Variants in LRRC53 observed in about 807,000 individuals in gnomAD.
LRRC53 encodes leucine-rich repeat-containing protein 53.
A neutral mutation model predicts 13.6 loss-of-function variants in LRRC53; 25 were observed. That is an observed-to-expected ratio of 1.83 (90% CI 1.34 to 2.56). The LOEUF is 2.56. LRRC53 is among the 30% of genes most tolerant of loss of function. The probability of loss-of-function intolerance (pLI) is 0.00; values close to 1 mark genes in which losing one functional copy is unlikely to be tolerated. For missense variants in LRRC53, 527 were observed against 275.8 expected (o/e 1.91, Z -6.45); for synonymous variants, 204 against 109.8 (o/e 1.86, Z -5.37).
intron 1 of LRRC53, among the ~76,000 whole-genome samples, chr1:74,483,661 G>T (rs1168384514): frequency 6.6e-6 from 1 of 152,176 alleles, no homozygotes; most frequent in East Asian, 1.9e-4. Flanking sequence ...AGTTTGTAGT[G>T]CTTTCACCAA....
At chr1:74,515,833 A>G (rs1364607035), upstream of LRRC53, among the ~76,000 whole-genome samples, 1 of 152,158 alleles carries the variant, frequency 6.6e-6, no homozygotes, top group East Asian at 1.9e-4. Flanking sequence ...TAAATTGGCT[A>G]TTTCTTTAGA....
rs1180206622 is a variant in LRRC53, at chr1:74,471,865, A to G, written c.1757T>C (p.Met586Thr). 4.4e-6 allele frequency: 2 copies of G among 452,758 alleles called. No homozygotes were observed. The highest frequency in any genetic ancestry group is 7.8e-6 in the Non-Finnish European group (2 of 256,618). 28.0% of individuals were successfully genotyped at this position (452,758 alleles called of 1,614,324 possible). A position where few individuals can be genotyped will look rare whatever the true frequency, so the allele number is the denominator to read the frequency against. Reference sequence around the variant, plus strand: ...TCTACGATTTGGCTTCTTTTCTTTCATGTAATCTTCAAATTGCTCACAGGG... The same window carrying G: ...TCTACGATTTGGCTTCTTTTCTTTCGTGTAATCTTCAAATTGCTCACAGGG... ...YVPCEQFEDYMKEKKPNRRQH... is the reference protein window; with the variant it reads ...YVPCEQFEDYTKEKKPNRRQH... The change falls in exon 5 of 5, where the codon ATG becomes ACG. Residue 586 changes from methionine (M) to threonine (T), a missense_variant. Physicochemically the swap from Met to Thr is moderately conservative, Grantham distance 81 (BLOSUM62 -1). Coordinates refer to ENST00000294635, the MANE Select transcript of LRRC53 (RefSeq NM_001382280.1).
chr1:74,535,118 A>G, the LRRC53 span, among the ~76,000 whole-genome samples: 3 of 152,180 alleles, frequency 2.0e-5, no homozygotes, highest in Admixed American at 2.0e-4. Flanking sequence ...AGGACTGTGT[A>G]ATTTCACTCT....
chr1:74,470,627 A>C lies in LRRC53; in HGVS notation c.2995T>G (p.Ser999Ala), dbSNP rs900092018. ...GAGGAATCATAAGTTTCTGTTTTTG[A>C]AAGTTTTTTTTCTACATCATTTTCT... ...KEENDVEKKL[S>A]KTETYDSSLI... The change falls in exon 5 of 5, where the codon TCA becomes GCA. Residue 999 changes from serine (S) to alanine (A), a missense_variant. Coordinates refer to ENST00000294635, the MANE Select transcript of LRRC53 (RefSeq NM_001382280.1). 7 of 400,534 alleles carry C rather than the reference A, an allele frequency of 1.7e-5. No homozygotes were observed. Among genetic ancestry groups the C allele is most frequent in the Admixed American group, 4.4e-5 (1 of 22,712 alleles). The allele number at this position is 400,534 out of a possible 1,614,324, so 24.8% of individuals were successfully genotyped here. A position where few individuals can be genotyped will look rare whatever the true frequency, so the allele number is the denominator to read the frequency against.
chr1:74,493,656 G>T (rs944255571), intron 1 of LRRC53, among the ~76,000 whole-genome samples: 1 of 152,136 alleles, frequency 6.6e-6, no homozygotes, highest in African/African-American at 2.4e-5. Flanking sequence ...TTTTGGATGA[G>T]CTTGACTCTG....
chr1:74,519,974 TG>T, the LRRC53 span, among the ~76,000 whole-genome samples: 1 of 152,190 alleles, frequency 6.6e-6, no homozygotes, highest in East Asian at 1.9e-4. Context: ...ATTTTCTCTG[TG>T]GGATCTTGCC....
At chr1:74,501,643 C>T (rs570159840) in intron 1 of LRRC53, among the ~76,000 whole-genome samples, 150 of 152,134 alleles carry the variant, frequency 9.9e-4, no homozygotes, top group African/African-American at 3.3e-3. Context: ...CGCACTACCA[C>T]GCCCGGGTAA....
At chr1:74,474,507 T>TA (rs1460946623) in intron 4 of LRRC53, among the ~76,000 whole-genome samples, 3 of 152,302 alleles carry the variant, frequency 2.0e-5, no homozygotes, top group Admixed American at 6.5e-5. Flanking sequence ...AATTTCTTGA[T>TA]ACAGCACCTC....
chr1:74,480,689 C>G lies in LRRC53; in HGVS notation c.368G>C (p.Arg123Pro), dbSNP rs41289204. Residue 123 changes from arginine (R) to proline (P), a missense_variant, in exon 3 of 5, where the codon CGA (arginine) becomes CCA (proline). Transcript: ENST00000294635. ...GCTTGTGTTTCGGAACCAAGACCCT[C>G]GTAGGGTGCGGAGAGCATTATTGCT... ...VLSNNALRTL[R>P]GSWFRNTSGL... The G allele has an allele frequency of 9.8e-6, 7 of 717,196 alleles. No homozygotes were observed. Among genetic ancestry groups the G allele is most frequent in the Admixed American group, 2.0e-5 (1 of 49,996 alleles). 44.4% of individuals were successfully genotyped at this position (717,196 alleles called of 1,614,324 possible).
At chr1:74,492,900 T>C (rs1669150954) in intron 1 of LRRC53, among the ~76,000 whole-genome samples, 1 of 152,194 alleles carries the variant, frequency 6.6e-6, no homozygotes, top group Non-Finnish European at 1.5e-5. Flanking sequence ...TTCAGCATGG[T>C]TGAGGTTCTG....
At chr1:74,495,583 A>G (rs771984581) in intron 1 of LRRC53, among the ~76,000 whole-genome samples, 2 of 152,170 alleles carry the variant, frequency 1.3e-5, no homozygotes, top group Non-Finnish European at 1.5e-5. Flanking sequence ...ACTATTTTAA[A>G]CACTTTAAAT....
upstream of LRRC53, among the ~76,000 whole-genome samples, chr1:74,514,232 A>G (rs1481455101): frequency 6.6e-6 from 1 of 152,246 alleles, no homozygotes; most frequent in Non-Finnish European, 1.5e-5. Flanking sequence ...TCTAATAAAT[A>G]CATTCTGACC....
chr1:74,518,591 T>C, the LRRC53 span, among the ~76,000 whole-genome samples: 9 of 152,254 alleles, frequency 5.9e-5, no homozygotes, highest in East Asian at 1.4e-3. Flanking sequence ...AGCTTATGGT[T>C]CCCGTGTTTC....
Position 74,472,167 on chromosome 1 carries a change from T to G in LRRC53, c.1455A>C (p.Ala485=), listed in dbSNP as rs1667968627. The G allele has an allele frequency of 2.8e-6, 2 of 717,052 alleles. No individual in the cohort carries two copies. The highest frequency in any genetic ancestry group is 5.4e-5 in the East Asian group (2 of 37,282). The allele number at this position is 717,052 out of a possible 1,614,324, so 44.4% of individuals were successfully genotyped here. A position where few individuals can be genotyped will look rare whatever the true frequency, so the allele number is the denominator to read the frequency against. ...ISSDIFRRRY[A]TPASALAGES... is the part of the protein sequence containing the mutation. The stretch of plus-strand genomic sequence containing the variant: ...CTCCTGCCAAGGCTGAAGCGGGTGT[T>G]GCATATCTTCTTCTAAATATGTCAC... The change falls in exon 5 of 5, where the codon GCA becomes GCC. Residue 485 remains alanine (A), a synonymous_variant. Coordinates refer to ENST00000294635, the MANE Select transcript of LRRC53 (RefSeq NM_001382280.1).
chr1:74,526,428 G>A, the LRRC53 span, among the ~76,000 whole-genome samples: 1 of 152,090 alleles, frequency 6.6e-6, no homozygotes, highest in Non-Finnish European at 1.5e-5. Flanking sequence ...TTAAAAGCTT[G>A]GGCTCAGATG....
chr1:74,475,839 A>G lies in LRRC53; in HGVS notation c.905-29T>C, dbSNP rs1668178605. On this transcript the variant is annotated intron_variant, in intron 3 of 4. Coordinates refer to ENST00000294635, the MANE Select transcript of LRRC53 (RefSeq NM_001382280.1). ...TGACAAATAGAGAGACCATTAAAAG[A>G]TAACATCTTGGGAAGAAACACATAA... is the stretch of plus-strand genomic sequence containing the variant. The G allele has an allele frequency of 9.1e-6, 5 of 547,380 alleles. 1 individual carries two copies. The South Asian group carries it at 1.6e-4, about 18-fold the overall frequency. 33.9% of individuals were successfully genotyped at this position (547,380 alleles called of 1,614,324 possible). A position where few individuals can be genotyped will look rare whatever the true frequency, so the allele number is the denominator to read the frequency against.
chr1:74,503,114 A>G (rs1205565504), intron 1 of LRRC53, among the ~76,000 whole-genome samples: 2 of 152,182 alleles, frequency 1.3e-5, no homozygotes, highest in Non-Finnish European at 2.9e-5. Context: ...AAATGCAGTC[A>G]ATGAATGAAA....
rs188007948 is a variant in LRRC53 at position 74,494,380 on chromosome 1, C to T, written c.-26-11005G>A. 3.4e-4 allele frequency among the ~76,000 whole-genome samples: 52 copies of T among 152,240 alleles called. 1 individual carries two copies. Among genetic ancestry groups the T allele is most frequent in the African/African-American group, 1.1e-3 (45 of 41,548 alleles). ...GCTATGAAGAGATGGGACTCTGATT[C>T]GTGAAGTCTTTAATCTATAAAATGT... On this transcript the variant is annotated intron_variant, in intron 1 of 4. Transcript: ENST00000294635.
At chr1:74,483,628 A>T (rs990372846) in intron 1 of LRRC53, among the ~76,000 whole-genome samples, 1 of 152,230 alleles carries the variant, frequency 6.6e-6, no homozygotes, top group Non-Finnish European at 1.5e-5. Flanking sequence ...GAAAAAATTA[A>T]GTTACTTTGC....
Sources: gnomAD v4.1 joint callset for allele counts (sites outside exome capture counted in the v4.1 genomes callset) on GRCh38, gnomAD v4.1.1 for gene constraint, MANE v1.5 for transcripts, NCBI Gene and HGNC (gene_info 2026-07-23, HGNC 2026-07-21) for gene names.